PPP2R2A: variants seen among roughly 807,000 people sequenced by gnomAD.
PPP2R2A encodes serine/threonine-protein phosphatase 2A 55 kDa regulatory subunit B alpha isoform.
A neutral mutation model predicts 53.2 loss-of-function variants in PPP2R2A; 9 were observed. That is an observed-to-expected ratio of 0.17 (90% CI 0.10 to 0.30). PPP2R2A has a LOEUF of 0.30. PPP2R2A is among the 10% of genes least tolerant of loss of function. The pLI is 1.00. For missense variants in PPP2R2A, 235 were observed against 534.6 expected (o/e 0.44, Z 5.53); for synonymous variants, 169 against 174.2 (o/e 0.97, Z 0.23).
rs762704572 is a variant in PPP2R2A at position 26,291,780 on chromosome 8, A to T, written c.-40A>T. Reference sequence around the variant, plus strand: ...AGGGGGGTGAGTTCAGGAAGCGGAGACCCCGAGGAACCCAGCAGGGTCACC... The same window carrying T: ...AGGGGGGTGAGTTCAGGAAGCGGAGTCCCCGAGGAACCCAGCAGGGTCACC... On this transcript the variant is annotated 5_prime_UTR_variant, in exon 1 of 10. Coordinates refer to ENST00000380737, the MANE Select transcript of PPP2R2A (RefSeq NM_002717.4). The T allele has an allele frequency of 1.9e-6, 3 of 1,590,868 alleles. No homozygotes were observed. The South Asian group carries it at 3.4e-5, about 18-fold the overall frequency.
At chr8:26,294,232 G>T (rs574661577) in intron 2 of PPP2R2A, among the ~76,000 whole-genome samples, 1 of 152,172 alleles carries the variant, frequency 6.6e-6, no homozygotes, top group African/African-American at 2.4e-5. Context: ...GGCATATTCT[G>T]TGAAGAGATG....
At chr8:26,291,975 GC>G in intron 1 of PPP2R2A, 149 bp downstream of exon 1, 1 of 1,208,108 alleles carries the variant, frequency 8.3e-7, no homozygotes, top group Non-Finnish European at 1.1e-6. Context: ...TGGGGTGGGG[GC>G]GGGGAGGGCT....
intron 6 of PPP2R2A, 111 bp downstream of exon 6, chr8:26,361,262 A>G: frequency 1.9e-6 from 2 of 1,038,544 alleles, no homozygotes; most frequent in Non-Finnish European, 2.7e-6. Context: ...CTGTGTACAT[A>G]TATGTATGGC....
At chr8:26,350,291 G>A (rs1804426612) in intron 3 of PPP2R2A, among the ~76,000 whole-genome samples, 1 of 151,960 alleles carries the variant, frequency 6.6e-6, no homozygotes, top group Admixed American at 6.6e-5. Context: ...TCTCGAACTC[G>A]ACCTCAGGTG....
At chr8:26,340,077 GAAAATAAGAC>G (rs968840801) in intron 3 of PPP2R2A, 1 of 151,954 alleles carries the variant, frequency 6.6e-6, no homozygotes, top group African/African-American at 2.4e-5. Context: ...AAGAAAATAT[GAAAATAAGAC>G]TCAAGCTTTG....
At chr8:26,293,783 C>A in intron 2 of PPP2R2A, 43 bp downstream of exon 2, 1 of 1,572,176 alleles carries the variant, frequency 6.4e-7, no homozygotes, top group Non-Finnish European at 8.7e-7. Flanking sequence ...ATAATTTTTG[C>A]AGAAATGTTT....
intron 3 of PPP2R2A, among the ~76,000 whole-genome samples, chr8:26,340,905 A>T (rs1408859971): frequency 6.6e-6 from 1 of 152,144 alleles, no homozygotes; most frequent in Non-Finnish European, 1.5e-5. Flanking sequence ...TATTTTAAAG[A>T]TAATCATTTC....
Position 26,354,357 on chromosome 8 carries a change from C to T in PPP2R2A, c.181-111C>T. ...AAAACAGAATGTAATTGTATAAAGA[C>T]ACAACTAATGGGGTATTGAGAATGT... is the stretch of plus-strand genomic sequence containing the variant. On this transcript the variant is annotated intron_variant, in intron 3 of 9. Coordinates refer to ENST00000380737, the MANE Select transcript of PPP2R2A (RefSeq NM_002717.4). The surrounding 1 kb of genome is among the most constrained non-coding windows in gnomAD (Gnocchi z 4.6). The T allele has an allele frequency of 2.5e-6, 2 of 795,828 alleles. No individual in the cohort carries two copies. Among genetic ancestry groups the T allele is most frequent in the Non-Finnish European group, 1.8e-6 (1 of 554,546 alleles). The allele number at this position is 795,828 out of a possible 1,614,324, so 49.3% of individuals were successfully genotyped here. A position where few individuals can be genotyped will look rare whatever the true frequency, so the allele number is the denominator to read the frequency against.
In PPP2R2A at chr8:26,318,076, T is replaced by C. The variant is rs78919875; in HGVS notation, c.83-20814T>C. Among the ~76,000 whole-genome samples the C allele has an allele frequency of 1.7e-3, 262 of 152,284 alleles. 1 individual carries two copies. The highest frequency in any genetic ancestry group is 6.2e-3 in the African/African-American group (257 of 41,546). On this transcript the variant is annotated intron_variant, in intron 2 of 9. Coordinates refer to ENST00000380737, the MANE Select transcript of PPP2R2A (RefSeq NM_002717.4). ...TTAAAACTCTGTGTGTATGTGGTTT[T>C]TTGGGTTCTGAGAGTGAAGGTGCCA...
At chr8:26,305,719 G>A (rs1402777876) in intron 2 of PPP2R2A, among the ~76,000 whole-genome samples, 2 of 152,190 alleles carry the variant, frequency 1.3e-5, no homozygotes, top group African/African-American at 4.8e-5. Flanking sequence ...ATGGTACTGT[G>A]AAAACCTTCT....
chr8:26,328,409 A>G (rs1803201994), intron 2 of PPP2R2A, among the ~76,000 whole-genome samples: 1 of 152,202 alleles, frequency 6.6e-6, no homozygotes, highest in African/African-American at 2.4e-5. Flanking sequence ...ATTGCCCAAT[A>G]CCTGCACTAA....
At chr8:26,297,029 A>C (rs1181081230) in intron 2 of PPP2R2A, among the ~76,000 whole-genome samples, 1 of 149,956 alleles carries the variant, frequency 6.7e-6, no homozygotes, top group Non-Finnish European at 1.5e-5. Context: ...ATGGAATAAC[A>C]AGAGTGGATT....
chr8:26,293,855 A>C, intron 2 of PPP2R2A, 115 bp downstream of exon 2: 1 of 929,346 alleles, frequency 1.1e-6, no homozygotes, highest in Non-Finnish European at 1.7e-6. Context: ...TTGTTGTCCA[A>C]GAAATGTAAG....
At chr8:26,332,187 C>T (rs1004732281) in intron 2 of PPP2R2A, among the ~76,000 whole-genome samples, 20 of 151,814 alleles carry the variant, frequency 1.3e-4, no homozygotes, top group African/African-American at 4.8e-4. Context: ...AAGCCTGTCT[C>T]TACTAAAAAT....
intron 1 of PPP2R2A, chr8:26,292,092 T>TGGGTGGGGCG (rs1297242993): frequency 1.9e-6 from 1 of 516,036 alleles, no homozygotes; most frequent in Non-Finnish European, 2.1e-6. Context: ...GGGTGAGGCG[T>TGGGTGGGGCG]GGGTGGGGCG....
At position 26,362,621 on chromosome 8, in the gene PPP2R2A, G is replaced by A; in HGVS notation, c.638-63G>A. 6.6e-7 allele frequency: 1 copy of A among 1,510,028 alleles called. No homozygotes were observed. The allele number at this position is 1,510,028 out of a possible 1,614,324, so 93.5% of individuals were successfully genotyped here. A position where few individuals can be genotyped will look rare whatever the true frequency, so the allele number is the denominator to read the frequency against. On this transcript the variant is annotated intron_variant, in intron 6 of 9. Coordinates refer to ENST00000380737, the MANE Select transcript of PPP2R2A (RefSeq NM_002717.4). This position sits in a 1 kb window ranked among gnomAD's most constrained non-coding sequence, Gnocchi z 4.4. ...GTCCATGAATGGGTTTTAGGTTTGA[G>A]AAATGTAGAATTATATTTGCCCTTT...
chr8:26,368,060 GA>G (rs1805469386), intron 9 of PPP2R2A, among the ~76,000 whole-genome samples: 1 of 152,174 alleles, frequency 6.6e-6, no homozygotes, highest in Admixed American at 6.5e-5. Context: ...CTGGCCTAAT[GA>G]TACCTTTTTA....
Position 26,344,178 on chromosome 8 carries a change from C to T in PPP2R2A, c.180+5191C>T, listed in dbSNP as rs568823737. Among the ~76,000 whole-genome samples, 202 of 152,216 alleles carry T rather than the reference C, an allele frequency of 1.3e-3. 2 individuals carry two copies. Among genetic ancestry groups the T allele is most frequent in the African/African-American group, 4.2e-3 (173 of 41,536 alleles). Reference sequence around the variant, plus strand: ...AGCAGTTTATGTGCTAGGACCTCTGCCAAGATCCCTAAATCTTACTTAATC... The same window carrying T: ...AGCAGTTTATGTGCTAGGACCTCTGTCAAGATCCCTAAATCTTACTTAATC... On this transcript the variant is annotated intron_variant, in intron 3 of 9. Transcript: ENST00000380737.
intron 2 of PPP2R2A, among the ~76,000 whole-genome samples, chr8:26,326,803 G>T (rs190605931): frequency 1.1e-4 from 16 of 152,306 alleles, no homozygotes. Flanking sequence ...TAATGAAGAT[G>T]ATAACTAACT....
Sources: allele counts gnomAD v4.1 joint callset (sites outside exome capture counted in the v4.1 genomes callset), GRCh38; gene constraint gnomAD v4.1.1; non-coding constraint Gnocchi (gnomAD v3.1); transcripts MANE v1.5; gene names NCBI Gene and HGNC (gene_info 2026-07-23, HGNC 2026-07-21).